S100A8: variants seen among roughly 807,000 people sequenced by gnomAD.
S100A8 encodes the protein S100 calcium binding protein A8.
S100A8 carries 1 observed loss-of-function variant against 4.2 expected under a neutral mutation model. That is an observed-to-expected ratio of 0.24 (90% CI 0.08 to 1.12). The LOEUF is 1.12. Ranked by LOEUF, S100A8 falls within the 50% of genes most tolerant of loss-of-function variation. The pLI, the probability that S100A8 is intolerant of heterozygous loss-of-function variation, is 0.53. For synonymous variants in S100A8, 41 were observed against 44.7 expected, an observed-to-expected ratio of 0.92 and a Z score of 0.33; for missense variants, 96 against 111.8, an observed-to-expected ratio of 0.86 and a Z score of 0.64.
At chr1:153,418,145 C>A in the S100A8 span, 2 of 1,614,034 alleles carry the variant, frequency 1.2e-6, no homozygotes, top group South Asian at 1.1e-5. Context: ...ACAAATACAC[C>A]GGACGTGATG....
At chr1:153,402,677 G>C in the S100A8 span, among the ~76,000 whole-genome samples, 1 of 152,200 alleles carries the variant, frequency 6.6e-6, no homozygotes, top group African/African-American at 2.4e-5. Context: ...ACATGCTATT[G>C]TAAAGCTGAT....
chr1:153,390,363 G>A (rs1350564884), intron 2 of S100A8, 32 bp downstream of exon 2: 1 of 1,611,584 alleles, frequency 6.2e-7, no homozygotes, highest in South Asian at 1.1e-5. Flanking sequence ...GGACCAGGCA[G>A]AGAGCCCCCG....
upstream of S100A8, chr1:153,391,292 G>A: frequency 1.3e-6 from 1 of 743,326 alleles, no homozygotes; most frequent in Non-Finnish European, 1.6e-6. Flanking sequence ...TGCCCAGAAG[G>A]AAAAAGCAGG....
At chr1:153,404,594 T>A in the S100A8 span, among the ~76,000 whole-genome samples, 2 of 152,224 alleles carry the variant, frequency 1.3e-5, no homozygotes, top group Non-Finnish European at 2.9e-5. Context: ...TCCATGTGTA[T>A]AGGCATCAAG....
upstream of S100A8, among the ~76,000 whole-genome samples, chr1:153,392,647 G>A (rs1453222369): frequency 6.6e-6 from 1 of 152,174 alleles, no homozygotes; most frequent in East Asian, 1.9e-4. Context: ...TTGTTGCCGA[G>A]GGCTAAATCC....
At chr1:153,397,312 A>T in the S100A8 span, among the ~76,000 whole-genome samples, 255 of 152,072 alleles carry the variant, frequency 1.7e-3, 1 homozygote, top group African/African-American at 5.9e-3. Flanking sequence ...ATTTGCCTGC[A>T]TCAGGAGCAA....
At chr1:153,399,869 G>T in the S100A8 span, among the ~76,000 whole-genome samples, 5 of 152,320 alleles carry the variant, frequency 3.3e-5, no homozygotes, top group South Asian at 4.1e-4. Flanking sequence ...ACAGGCAAAG[G>T]CCCGGGGCTG....
the S100A8 span, among the ~76,000 whole-genome samples, chr1:153,402,848 T>A: frequency 6.6e-6 from 1 of 152,184 alleles, no homozygotes; most frequent in African/African-American, 2.4e-5. Flanking sequence ...GGATCTACAG[T>A]ACTAGATGTT....
chr1:153,419,662 G>GA, the S100A8 span: 1 of 275,240 alleles, frequency 3.6e-6, no homozygotes, highest in South Asian at 7.9e-5. Flanking sequence ...TCAAGGCATG[G>GA]ACCAGGGTCA....
At chr1:153,394,331 A>T (rs558240009), upstream of S100A8, among the ~76,000 whole-genome samples, 24 of 152,272 alleles carry the variant, frequency 1.6e-4, no homozygotes, top group African/African-American at 5.8e-4. Context: ...GGAGCCCAGC[A>T]CTTCTCAGGT....
chr1:153,391,841 G>A (rs116299246), upstream of S100A8, among the ~76,000 whole-genome samples: 2,626 of 152,256 alleles, frequency 0.017, 80 homozygotes, highest in African/African-American at 0.06. Flanking sequence ...GTTAATTATT[G>A]TGTCTGGGAC....
At chr1:153,405,126 C>G in the S100A8 span, among the ~76,000 whole-genome samples, 1 of 151,864 alleles carries the variant, frequency 6.6e-6, no homozygotes, top group East Asian at 1.9e-4. Flanking sequence ...CCAGTTTTAC[C>G]TACACGGCCC....
At chr1:153,390,683 C>T (rs951353887) in intron 1 of S100A8, 126 bp from the exon 2 acceptor site, 8 of 1,176,966 alleles carry the variant, frequency 6.8e-6, no homozygotes, top group Non-Finnish European at 9.6e-6. Flanking sequence ...ATAACCAAAC[C>T]AGCAGATGGC....
At chr1:153,395,962 C>G (rs1416243107), upstream of S100A8, among the ~76,000 whole-genome samples, 2 of 152,232 alleles carry the variant, frequency 1.3e-5, no homozygotes, top group African/African-American at 4.8e-5. Context: ...GTCGGAGCGG[C>G]ATGTTAGTTC....
intron 2 of S100A8, 49 bp downstream of exon 2, chr1:153,390,346 A>T: frequency 6.2e-7 from 1 of 1,606,326 alleles, no homozygotes; most frequent in East Asian, 2.2e-5. Context: ...GGCCCAGGGC[A>T]GCCCCAGGAC....
chr1:153,396,114 AG>A, the S100A8 span, among the ~76,000 whole-genome samples: 4 of 152,196 alleles, frequency 2.6e-5, no homozygotes, highest in Non-Finnish European at 5.9e-5. Flanking sequence ...CCTATCAGAT[AG>A]GGCCCCCTGG....
At chr1:153,417,007 AATCTCTGGGCACAG>A in the S100A8 span, among the ~76,000 whole-genome samples, 7 of 152,208 alleles carry the variant, frequency 4.6e-5, no homozygotes, top group African/African-American at 1.7e-4. Context: ...ATTCTCAGTC[AATCTCTGGGCACAG>A]GGCTTGGCCT....
the S100A8 span, among the ~76,000 whole-genome samples, chr1:153,414,839 G>C: frequency 2.0e-5 from 3 of 152,294 alleles, no homozygotes; most frequent in African/African-American, 7.2e-5. Flanking sequence ...TTGCACAGTG[G>C]TGAAGTCCGG....
At chr1:153,417,385 A>G in the S100A8 span, 1 of 152,392 alleles carries the variant, frequency 6.6e-6, no homozygotes, top group Non-Finnish European at 1.5e-5. Context: ...CACCCCATCC[A>G]GCAGCTTAAG....
Sources: allele counts gnomAD v4.1 joint callset (sites outside exome capture counted in the v4.1 genomes callset), GRCh38; gene constraint gnomAD v4.1.1; transcripts MANE v1.5; gene names NCBI Gene and HGNC (gene_info 2026-07-23, HGNC 2026-07-21).